ADAMTS3: variants seen among roughly 807,000 people sequenced by gnomAD.
ADAMTS3 encodes the protein A disintegrin and metalloproteinase with thrombospondin motifs 3.
Under a neutral mutation model 129.0 loss-of-function variants are expected in ADAMTS3, and 73 were observed. The ratio of observed to expected loss-of-function variants is 0.57; its 90% CI spans 0.47 to 0.69. The LOEUF (loss-of-function observed/expected upper bound fraction) is 0.69. Ranked by LOEUF, ADAMTS3 falls within the 30% of genes least tolerant of loss-of-function variation. ADAMTS3 has a pLI of 0.00. For missense variants in ADAMTS3, 1,457 were observed against 1,514.5 expected, an observed-to-expected ratio of 0.96 and a Z score of 0.63; for synonymous variants, 477 against 510.8, an observed-to-expected ratio of 0.93 and a Z score of 0.89.
At chr4:72,487,544 T>A (rs1299357856) in intron 3 of ADAMTS3, among the ~76,000 whole-genome samples, 1 of 152,130 alleles carries the variant, frequency 6.6e-6, no homozygotes, top group African/African-American at 2.4e-5. Context: ...CAATCAGTTA[T>A]ACCACTCTGT....
At chr4:72,363,051 G>A (rs1350841171) in intron 4 of ADAMTS3, among the ~76,000 whole-genome samples, 5 of 152,068 alleles carry the variant, frequency 3.3e-5, no homozygotes, top group African/African-American at 7.2e-5. Flanking sequence ...GCATGCTGGT[G>A]TATATAATTC....
intron 4 of ADAMTS3, among the ~76,000 whole-genome samples, chr4:72,410,790 C>A (rs1443686687): frequency 8.1e-5 from 7 of 86,156 alleles, no homozygotes; most frequent in African/African-American, 2.4e-4. Flanking sequence ...ATAATTTTGT[C>A]CAAATTAAAG....
chr4:72,466,516 T>A (rs756367216), intron 3 of ADAMTS3, among the ~76,000 whole-genome samples: 1 of 152,056 alleles, frequency 6.6e-6, no homozygotes, highest in Non-Finnish European at 1.5e-5. Context: ...TCTATACATA[T>A]TCTGAAGGCG....
intron 3 of ADAMTS3, among the ~76,000 whole-genome samples, chr4:72,472,892 G>A (rs1237373792): frequency 6.6e-6 from 1 of 152,076 alleles, no homozygotes; most frequent in Non-Finnish European, 1.5e-5. Flanking sequence ...TGCCTCAAAC[G>A]TAACTGTAAT....
intron 4 of ADAMTS3, among the ~76,000 whole-genome samples, chr4:72,412,686 T>C (rs1722211616): frequency 6.6e-6 from 1 of 152,058 alleles, no homozygotes; most frequent in Admixed American, 6.6e-5. Context: ...TCATGGAACA[T>C]TTTAAGAGAA....
chr4:72,316,722 A>G (rs1434067164), intron 10 of ADAMTS3, among the ~76,000 whole-genome samples: 2 of 151,556 alleles, frequency 1.3e-5, no homozygotes, highest in Non-Finnish European at 2.9e-5. Context: ...ATAATCATAA[A>G]TACTTATAAT....
chr4:72,497,041 C>T (rs779170750), intron 3 of ADAMTS3, among the ~76,000 whole-genome samples: 3 of 151,818 alleles, frequency 2.0e-5, no homozygotes, highest in Admixed American at 6.6e-5. Context: ...TTGGAAGCTG[C>T]CAGAGGCTTT....
chr4:72,287,518 A>G (rs1413316575), intron 21 of ADAMTS3, among the ~76,000 whole-genome samples: 3 of 151,200 alleles, frequency 2.0e-5, no homozygotes, highest in Non-Finnish European at 4.4e-5. Context: ...GGAAAGAGAG[A>G]GCCAGGAAGA....
chr4:72,350,797 T>C (rs923960943), intron 4 of ADAMTS3, among the ~76,000 whole-genome samples: 2 of 152,022 alleles, frequency 1.3e-5, no homozygotes, highest in Non-Finnish European at 2.9e-5. Flanking sequence ...CTGTTACCTC[T>C]GATTTTTTTT....
At chr4:72,476,491 AG>A (rs1719236886) in intron 3 of ADAMTS3, among the ~76,000 whole-genome samples, 1 of 152,274 alleles carries the variant, frequency 6.6e-6, no homozygotes, top group Admixed American at 6.5e-5. Context: ...ATCCCAAAAA[AG>A]GAATGTCCAG....
intron 2 of ADAMTS3, among the ~76,000 whole-genome samples, chr4:72,560,355 C>A (rs1013469051): frequency 6.6e-6 from 1 of 152,082 alleles, no homozygotes. Context: ...CAAATGGGAT[C>A]TAATTAAACT....
At position 72,295,710 on chromosome 4, in the gene ADAMTS3, G is replaced by T. The variant is rs542110831; in HGVS notation, c.2667C>A (p.Asn889Lys). Residue 889 changes from asparagine to lysine, a missense_variant, in exon 19 of 22, where the codon AAC becomes AAA. By Grantham distance (94) the Asn-to-Lys change is moderately conservative (BLOSUM62 0). Transcript: ENST00000286657. ...KMVHRSFCEA[N>K]KKPKPIRRMC... ...TTCGTCTAATAGGTTTCGGCTTTTT[G>T]TTGGCCTCACAGAAGCTGCGATGGA... is the stretch of plus-strand genomic sequence containing the variant. 5.6e-6 allele frequency: 9 copies of T among 1,612,824 alleles called. No individual in the cohort carries two copies. In the East Asian group the frequency reaches 1.6e-4, roughly 28 times the overall value.
intron 4 of ADAMTS3, among the ~76,000 whole-genome samples, chr4:72,375,310 G>A (rs762395691): frequency 6.6e-6 from 1 of 152,146 alleles, no homozygotes; most frequent in Non-Finnish European, 1.5e-5. Flanking sequence ...AAGCATTTCT[G>A]GGAGTTCTGT....
intron 3 of ADAMTS3, among the ~76,000 whole-genome samples, chr4:72,530,401 GAATTT>G (rs1468952801): frequency 1.1e-4 from 7 of 65,792 alleles, no homozygotes; most frequent in Non-Finnish European, 1.5e-4. Flanking sequence ...TAACATATAT[GAATTT>G]AATATATAAT....
At chr4:72,566,897 T>C (rs1020740771) in intron 2 of ADAMTS3, among the ~76,000 whole-genome samples, 2 of 152,134 alleles carry the variant, frequency 1.3e-5, no homozygotes, top group African/African-American at 4.8e-5. Flanking sequence ...TTAAAGCAGA[T>C]TGAATAACAG....
At chr4:72,503,468 T>C (rs897101112) in intron 3 of ADAMTS3, among the ~76,000 whole-genome samples, 13 of 152,218 alleles carry the variant, frequency 8.5e-5, no homozygotes, top group African/African-American at 3.1e-4. Flanking sequence ...GGTCTGAGAT[T>C]ATAGTTGGTA....
At chr4:72,392,443 A>G (rs1270757245) in intron 4 of ADAMTS3, among the ~76,000 whole-genome samples, 1 of 152,172 alleles carries the variant, frequency 6.6e-6, no homozygotes, top group Admixed American at 6.5e-5. Context: ...CCCTTAATCC[A>G]AAGTAGTGGG....
At chr4:72,518,096 C>T (rs1720545944) in intron 3 of ADAMTS3, among the ~76,000 whole-genome samples, 1 of 151,958 alleles carries the variant, frequency 6.6e-6, no homozygotes, top group Admixed American at 6.6e-5. Context: ...CATTATATAC[C>T]CAGTAGTCAT....
chr4:72,466,509 AT>A (rs1718924482), intron 3 of ADAMTS3, among the ~76,000 whole-genome samples: 1 of 152,052 alleles, frequency 6.6e-6, no homozygotes, highest in African/African-American at 2.4e-5. Flanking sequence ...GTCAGAATCT[AT>A]ACATATTCTG....
Sources: gnomAD v4.1 joint callset for allele counts (sites outside exome capture counted in the v4.1 genomes callset) on GRCh38, gnomAD v4.1.1 for gene constraint, MANE v1.5 for transcripts, NCBI Gene and HGNC (gene_info 2026-07-23, HGNC 2026-07-21) for gene names.